ZFP2: variants seen among roughly 807,000 people sequenced by gnomAD.
ZFP2 encodes the protein zinc finger protein ZFP2.
ZFP2 carries 33 observed loss-of-function variants against 36.1 expected under a neutral mutation model. That is an observed-to-expected ratio of 0.92 (90% CI 0.69 to 1.22). ZFP2 has a LOEUF of 1.22. ZFP2 is among the 50% of genes most tolerant of loss of function. The probability of loss-of-function intolerance (pLI) is 0.00; values close to 1 mark genes in which losing one functional copy is unlikely to be tolerated. For missense variants in ZFP2, 522 were observed against 551.4 expected (o/e 0.95, Z 0.53); for synonymous variants, 170 against 178.0 (o/e 0.96, Z 0.36).
Position 178,931,764 on chromosome 5 carries a change from AT to A in ZFP2, c.453del (p.His152IlefsTer20). Reference sequence around the variant, plus strand: ...ATCCTCCCTTACTGTACATCAAAGAATTCATACTGGAGAGAAACCCTATAAA... The same window carrying A: ...ATCCTCCCTTACTGTACATCAAAGAATCATACTGGAGAGAAACCCTATAAA... ...ERSSLTVHQR[I>X]HTGEKPYKCN... On this transcript the variant is annotated frameshift_variant, in exon 5 of 5. Coordinates refer to ENST00000361362, the MANE Select transcript of ZFP2 (RefSeq NM_030613.4). LOFTEE classifies it high-confidence loss of function. 1 of 1,614,162 alleles carries A rather than the reference AT, an allele frequency of 6.2e-7. No homozygotes were observed. The highest frequency in any genetic ancestry group is 1.1e-5 in the South Asian group (1 of 91,088).
At chr5:178,914,516 A>G (rs1758377215) in intron 3 of ZFP2, among the ~76,000 whole-genome samples, 1 of 152,342 alleles carries the variant, frequency 6.6e-6, no homozygotes, top group African/African-American at 2.4e-5. Flanking sequence ...TGATATTTGT[A>G]TTCTTATGTA....
chr5:178,901,906 G>A (rs1054921364), intron 1 of ZFP2, among the ~76,000 whole-genome samples: 2 of 152,116 alleles, frequency 1.3e-5, no homozygotes, highest in Admixed American at 1.3e-4. Context: ...GGCCACGGCA[G>A]GTGGATCACT....
intron 4 of ZFP2, among the ~76,000 whole-genome samples, chr5:178,926,134 A>C (rs1290569461): frequency 1.3e-5 from 2 of 151,440 alleles, no homozygotes; most frequent in African/African-American, 4.8e-5. Context: ...GGCGCGAGCC[A>C]CTGCACTCAG....
At chr5:178,898,611 G>C (rs1757986912) in intron 1 of ZFP2, among the ~76,000 whole-genome samples, 1 of 152,144 alleles carries the variant, frequency 6.6e-6, no homozygotes, top group African/African-American at 2.4e-5. Context: ...CCCTCCCCAA[G>C]GAAGAACCCC....
At chr5:178,900,106 G>A (rs1300680937) in intron 1 of ZFP2, among the ~76,000 whole-genome samples, 4 of 152,234 alleles carry the variant, frequency 2.6e-5, no homozygotes, top group African/African-American at 9.6e-5. Context: ...GATGACTGTT[G>A]TGGTTTGGTT....
At chr5:178,931,133 T>TA in intron 4 of ZFP2, 104 bp from the exon 5 acceptor site, 1 of 1,275,326 alleles carries the variant, frequency 7.8e-7, no homozygotes, top group Non-Finnish European at 1.0e-6. Flanking sequence ...GCTCAGCAGT[T>TA]ATTTTAGTTG....
At chr5:178,903,689 G>A (rs186756708) in intron 1 of ZFP2, among the ~76,000 whole-genome samples, 2 of 152,346 alleles carry the variant, frequency 1.3e-5, no homozygotes, top group Non-Finnish European at 2.9e-5. Context: ...ATGAAAAGGA[G>A]CCTGGCATGG....
intron 1 of ZFP2, among the ~76,000 whole-genome samples, chr5:178,909,244 G>C (rs181466551): frequency 2.1e-4 from 32 of 152,274 alleles, no homozygotes; most frequent in Middle Eastern, 3.4e-3. Context: ...CTTGCTTCTA[G>C]CACTCCCAGG....
At chr5:178,925,636 C>T (rs1758654175) in intron 4 of ZFP2, among the ~76,000 whole-genome samples, 1 of 149,090 alleles carries the variant, frequency 6.7e-6, no homozygotes, top group Admixed American at 6.7e-5. Flanking sequence ...TCGGCTTTCC[C>T]TTGGTTACTG....
At chr5:178,900,049 T>C (rs1207569837) in intron 1 of ZFP2, among the ~76,000 whole-genome samples, 3 of 152,186 alleles carry the variant, frequency 2.0e-5, no homozygotes, top group African/African-American at 4.8e-5. Context: ...AGGGAGTTTC[T>C]GGAAGAGGGA....
At chr5:178,926,271 A>T (rs1758667581) in intron 4 of ZFP2, among the ~76,000 whole-genome samples, 1 of 151,694 alleles carries the variant, frequency 6.6e-6, no homozygotes, top group Non-Finnish European at 1.5e-5. Context: ...ATTATTTTTA[A>T]AATTTATTTC....
At chr5:178,898,001 T>C (rs1581824377) in intron 1 of ZFP2, among the ~76,000 whole-genome samples, 1 of 152,348 alleles carries the variant, frequency 6.6e-6, no homozygotes, top group East Asian at 1.9e-4. Flanking sequence ...AACTTCTTTT[T>C]TTTTATTGAG....
Position 178,931,724 on chromosome 5 carries a change from A to T in ZFP2, c.411A>T (p.Lys137Asn). The T allele has an allele frequency of 6.2e-7, 1 of 1,614,160 alleles. No homozygotes were observed. The highest frequency in any genetic ancestry group is 8.5e-7 in the Non-Finnish European group (1 of 1,180,028). Residue 137 changes from lysine to asparagine, a missense_variant, in exon 5 of 5, where the codon AAA (lysine) becomes AAT (asparagine). Lys to Asn is a moderately conservative substitution (Grantham distance 94, BLOSUM62 0). Transcript: ENST00000361362. ...EKPYKCNVCG[K>N]HFIERSSLTV... is the part of the protein sequence containing the mutation. ...CCTATAAGTGTAATGTATGTGGGAA[A>T]CACTTCATTGAACGATCCTCCCTTA...
chr5:178,898,955 G>A (rs190773242), intron 1 of ZFP2, among the ~76,000 whole-genome samples: 62 of 151,954 alleles, frequency 4.1e-4, no homozygotes, highest in African/African-American at 1.4e-3. Context: ...ATAAAAGAGG[G>A]CACATCTGCA....
intron 1 of ZFP2, among the ~76,000 whole-genome samples, chr5:178,896,958 G>C (rs969483780): frequency 6.6e-6 from 1 of 151,782 alleles, no homozygotes; most frequent in Non-Finnish European, 1.5e-5. Context: ...ATAGAGCTAC[G>C]TCATTTTAAT....
At chr5:178,926,700 A>T (rs965293295) in intron 4 of ZFP2, among the ~76,000 whole-genome samples, 5 of 151,928 alleles carry the variant, frequency 3.3e-5, no homozygotes, top group Non-Finnish European at 7.4e-5. Context: ...TGTATTTTTT[A>T]GTAGAGACAG....
chr5:178,906,455 T>C (rs550034612), intron 1 of ZFP2, among the ~76,000 whole-genome samples: 1 of 152,370 alleles, frequency 6.6e-6, no homozygotes, highest in South Asian at 2.1e-4. Context: ...GTGTCTGCCC[T>C]CCTCTTTTGA....
intron 4 of ZFP2, among the ~76,000 whole-genome samples, chr5:178,918,932 A>G (rs1001384132): frequency 6.6e-6 from 1 of 152,192 alleles, no homozygotes; most frequent in East Asian, 1.9e-4. Context: ...CAAGCCCACA[A>G]TACTCCATCA....
At chr5:178,909,884 G>A (rs1758253423) in intron 1 of ZFP2, 3 of 1,571,274 alleles carry the variant, frequency 1.9e-6, no homozygotes, top group Admixed American at 1.7e-5. Flanking sequence ...TGAAGTTAAG[G>A]AACATGTTCC....
Sources: allele counts gnomAD v4.1 joint callset (sites outside exome capture counted in the v4.1 genomes callset), GRCh38; gene constraint gnomAD v4.1.1; transcripts MANE v1.5; gene names NCBI Gene and HGNC (gene_info 2026-07-23, HGNC 2026-07-21).